The following APLP2 variants were observed in gnomAD, a reference collection of about 807,000 sequenced individuals.
The protein encoded by APLP2 is amyloid beta precursor like protein 2.
APLP2 carries 53 observed loss-of-function variants against 89.9 expected under a neutral mutation model. The ratio of observed to expected loss-of-function variants is 0.59; its 90% CI spans 0.47 to 0.74. The LOEUF is 0.74. APLP2 is among the 30% of genes least tolerant of loss of function. The pLI, the probability that APLP2 is intolerant of heterozygous loss-of-function variation, is 0.00. For missense variants in APLP2, 973 were observed against 975.9 expected (o/e 1.00, Z 0.04); for synonymous variants, 372 against 348.6 (o/e 1.07, Z -0.75).
At position 130,141,197 on chromosome 11, in the gene APLP2, C is replaced by T. The variant is rs374303937; in HGVS notation, c.1924-301C>T. On this transcript the variant is annotated intron_variant, in intron 14 of 16. Coordinates refer to ENST00000338167, the MANE Select transcript of APLP2 (RefSeq NM_001142276.2). The surrounding 1 kb of genome is among the most constrained non-coding windows in gnomAD (Gnocchi z 4.2). ...CTGGGATTACAGGCGTGAGCCACCG[C>T]GCCTGGTGTAAACGGGGCTTTTTGG... The T allele has an allele frequency of 1.4e-4, 41 of 302,966 alleles. 1 individual carries two copies. Among genetic ancestry groups the T allele is most frequent in the South Asian group, 9.0e-4 (18 of 19,998 alleles). The allele number at this position is 302,966 out of a possible 1,614,324, so 18.8% of individuals were successfully genotyped here.
chr11:130,104,325 T>G (rs996796860), intron 1 of APLP2, among the ~76,000 whole-genome samples: 1 of 150,800 alleles, frequency 6.6e-6, no homozygotes, highest in Non-Finnish European at 1.5e-5. Flanking sequence ...TTCAAGCGAT[T>G]CTAGTGTCTC....
At position 130,123,864 on chromosome 11, in the gene APLP2, T is replaced by C; in HGVS notation, c.1090+85T>C. 4 of 1,477,074 alleles carry C rather than the reference T, an allele frequency of 2.7e-6. No homozygotes were observed. Among genetic ancestry groups the C allele is most frequent in the Non-Finnish European group, 3.7e-6 (4 of 1,075,814 alleles). The allele number at this position is 1,477,074 out of a possible 1,614,324, so 91.5% of individuals were successfully genotyped here. A position where few individuals can be genotyped will look rare whatever the true frequency, so the allele number is the denominator to read the frequency against. On this transcript the variant is annotated intron_variant, in intron 7 of 16. Coordinates refer to ENST00000338167, the MANE Select transcript of APLP2 (RefSeq NM_001142276.2). The surrounding 1 kb of genome is among the most constrained non-coding windows in gnomAD (Gnocchi z 4.0). ...CCTGCCGTCTTCGTGGCTGCATCTGTGTGGTGTCCCTGCCCACTCGGGTGT... is the reference window on the plus strand; with the variant it reads ...CCTGCCGTCTTCGTGGCTGCATCTGCGTGGTGTCCCTGCCCACTCGGGTGT...
At chr11:130,114,518 T>G (rs944118944) in intron 3 of APLP2, among the ~76,000 whole-genome samples, 11 of 152,260 alleles carry the variant, frequency 7.2e-5, no homozygotes, top group South Asian at 2.1e-4. Flanking sequence ...ATGTACACAT[T>G]GTCTGCATTT....
chr11:130,129,753 G>T (rs1294097300), intron 10 of APLP2, among the ~76,000 whole-genome samples: 1 of 152,198 alleles, frequency 6.6e-6, no homozygotes, highest in Non-Finnish European at 1.5e-5. Flanking sequence ...GGTGTCAGAG[G>T]CTGAGCCAGG....
At chr11:130,080,714 T>G (rs76184342) in intron 1 of APLP2, among the ~76,000 whole-genome samples, 1 of 145,716 alleles carries the variant, frequency 6.9e-6, no homozygotes, top group Non-Finnish European at 1.5e-5. Flanking sequence ...TTTTTTTTTT[T>G]GAGATGGAGT....
chr11:130,143,483 G>C lies in APLP2; in HGVS notation c.*35G>C, dbSNP rs767499756. The C allele has an allele frequency of 6.4e-6, 10 of 1,563,948 alleles. No individual in the cohort carries two copies. Among genetic ancestry groups the C allele is most frequent in the Non-Finnish European group, 5.3e-6 (6 of 1,135,384 alleles). On this transcript the variant is annotated 3_prime_UTR_variant, in exon 17 of 17. Coordinates refer to ENST00000338167, the MANE Select transcript of APLP2 (RefSeq NM_001142276.2). ...AGCGCGGCAGCCCTGGCGGAGGGATGCAGGTGGGCCGGAAGATCCCACGAT... is the reference window on the plus strand; with the variant it reads ...AGCGCGGCAGCCCTGGCGGAGGGATCCAGGTGGGCCGGAAGATCCCACGAT...
intron 1 of APLP2, among the ~76,000 whole-genome samples, chr11:130,100,838 A>G (rs956024248): frequency 6.6e-6 from 1 of 152,240 alleles, no homozygotes; most frequent in Non-Finnish European, 1.5e-5. Flanking sequence ...TTAAGTTTAA[A>G]TGTTAAAAAA....
At chr11:130,139,821 G>A (rs1952125548) in intron 13 of APLP2, among the ~76,000 whole-genome samples, 1 of 152,180 alleles carries the variant, frequency 6.6e-6, no homozygotes, top group African/African-American at 2.4e-5. Context: ...TCAGCGTGGT[G>A]GGAGATGCGG....
intron 3 of APLP2, among the ~76,000 whole-genome samples, chr11:130,111,283 A>G (rs1183234450): frequency 5.3e-5 from 8 of 152,148 alleles, no homozygotes; most frequent in Admixed American, 2.0e-4. Context: ...CTCAGGGAAT[A>G]TATTCATTTT....
intron 1 of APLP2, among the ~76,000 whole-genome samples, chr11:130,085,200 A>C (rs915827065): frequency 7.9e-5 from 12 of 152,252 alleles, no homozygotes; most frequent in African/African-American, 2.9e-4. Context: ...CTGTAATCCC[A>C]GCACTTTGGG....
chr11:130,097,643 G>A lies in APLP2; in HGVS notation c.106-11786G>A, dbSNP rs1591791026. Among the ~76,000 whole-genome samples the A allele has an allele frequency of 2.6e-5, 4 of 152,160 alleles. No individual in the cohort carries two copies. The East Asian group carries it at 7.7e-4, about 29-fold the overall frequency. On this transcript the variant is annotated intron_variant, in intron 1 of 16. Coordinates refer to ENST00000338167, the MANE Select transcript of APLP2 (RefSeq NM_001142276.2). ...TCCTGGGAGGTTGAGGCTGCAGTGA[G>A]CTCCAGCCTGGGCGACAGAGTGAAA...
Position 130,141,687 on chromosome 11 carries a change from C to A in APLP2, c.1998+115C>A. 1.0e-6 allele frequency: 1 copy of A among 995,094 alleles called. No homozygotes were observed. The highest frequency in any genetic ancestry group is 2.2e-4 in the Middle Eastern group (1 of 4,646). The allele number at this position is 995,094 out of a possible 1,614,324, so 61.6% of individuals were successfully genotyped here. On this transcript the variant is annotated intron_variant, in intron 15 of 16. Coordinates refer to ENST00000338167, the MANE Select transcript of APLP2 (RefSeq NM_001142276.2). The surrounding 1 kb of genome is among the most constrained non-coding windows in gnomAD (Gnocchi z 4.2). Reference sequence around the variant, plus strand: ...GATGCCTGAGCTAATAAGGGTCCCTCATCCCCAGCTTTCCGTACTTTTGGA... The same window carrying A: ...GATGCCTGAGCTAATAAGGGTCCCTAATCCCCAGCTTTCCGTACTTTTGGA...
chr11:130,099,546 C>A (rs1457760778), intron 1 of APLP2, among the ~76,000 whole-genome samples: 1 of 152,182 alleles, frequency 6.6e-6, no homozygotes, highest in African/African-American at 2.4e-5. Context: ...ACTTCCAAGT[C>A]CCGGAAGCTG....
At chr11:130,109,199 A>T (rs2054249) in intron 1 of APLP2, 11,731 of 307,902 alleles carry the variant, frequency 0.038, 847 homozygotes, top group East Asian at 0.22. Flanking sequence ...AAAATATAAT[A>T]AATAAAATAA....
Position 130,112,933 on chromosome 11 carries a change from G to A in APLP2, c.403+2272G>A, listed in dbSNP as rs149284757. Among the ~76,000 whole-genome samples the A allele has an allele frequency of 3.1e-3, 469 of 152,246 alleles. 3 individuals are homozygous for A. Among genetic ancestry groups the A allele is most frequent in the African/African-American group, 0.011 (444 of 41,550 alleles). Reference sequence around the variant, plus strand: ...CATCCAGCTCTCAGCATTTGGAATGGCTTTCCTCTGCTGACTTTGCTTGGG... The same window carrying A: ...CATCCAGCTCTCAGCATTTGGAATGACTTTCCTCTGCTGACTTTGCTTGGG... On this transcript the variant is annotated intron_variant, in intron 3 of 16. Coordinates refer to ENST00000338167, the MANE Select transcript of APLP2 (RefSeq NM_001142276.2).
At chr11:130,108,866 A>G (rs1224569723) in intron 1 of APLP2, 1 of 152,302 alleles carries the variant, frequency 6.6e-6, no homozygotes, top group Non-Finnish European at 1.5e-5. Context: ...AATACTATGC[A>G]GCCATAAAAA....
intron 1 of APLP2, among the ~76,000 whole-genome samples, chr11:130,094,117 G>A (rs922638920): frequency 4.8e-5 from 7 of 146,304 alleles, no homozygotes; most frequent in African/African-American, 1.0e-4. Context: ...GCAATGGGGC[G>A]ATCTTGGCTC....
chr11:130,138,232 G>A (rs1052934970), intron 13 of APLP2, among the ~76,000 whole-genome samples: 2 of 152,202 alleles, frequency 1.3e-5, no homozygotes, highest in Non-Finnish European at 2.9e-5. Context: ...GGTGTTGCCC[G>A]GCTAAGAAGG....
rs1458691567 is a variant in APLP2 at position 130,141,884 on chromosome 11, C to A, written c.1999-35C>A. ...TTGCCTCACGGCTGCCAGATGGTCACTGGGACTTTTTTCCACGTCTGCTTT... is the reference window on the plus strand; with the variant it reads ...TTGCCTCACGGCTGCCAGATGGTCAATGGGACTTTTTTCCACGTCTGCTTT... On this transcript the variant is annotated intron_variant, in intron 15 of 16. Coordinates refer to ENST00000338167, the MANE Select transcript of APLP2 (RefSeq NM_001142276.2). This position sits in a 1 kb window ranked among gnomAD's most constrained non-coding sequence, Gnocchi z 4.2. 6.3e-7 allele frequency: 1 copy of A among 1,577,486 alleles called. No individual in the cohort carries two copies. Among genetic ancestry groups the A allele is most frequent in the Non-Finnish European group, 8.7e-7 (1 of 1,154,486 alleles).
Sources: allele counts gnomAD v4.1 joint callset (sites outside exome capture counted in the v4.1 genomes callset), GRCh38; gene constraint gnomAD v4.1.1; non-coding constraint Gnocchi (gnomAD v3.1); transcripts MANE v1.5; gene names NCBI Gene and HGNC (gene_info 2026-07-23, HGNC 2026-07-21).